RGS20: variants seen among roughly 807,000 people sequenced by gnomAD.
The protein encoded by RGS20 is regulator of G protein signaling 20, also known as gz-selective GTPase-activating protein.
Under a neutral mutation model 33.6 loss-of-function variants are expected in RGS20, and 30 were observed. The ratio of observed to expected loss-of-function variants is 0.89; its 90% CI spans 0.67 to 1.21. The LOEUF (loss-of-function observed/expected upper bound fraction) is 1.21, where lower values mean the gene tolerates loss of function less well. RGS20 is among the 50% of genes most tolerant of loss of function. RGS20 has a pLI of 0.00. For missense variants in RGS20, 472 were observed against 502.4 expected (o/e 0.94, Z 0.58); for synonymous variants, 208 against 197.9 (o/e 1.05, Z -0.43).
chr8:53,946,160 G>A (rs1397456048), intron 3 of RGS20, among the ~76,000 whole-genome samples: 1 of 152,122 alleles, frequency 6.6e-6, no homozygotes. Context: ...TACTTTTTAA[G>A]ATGCAGAAAA....
intron 1 of RGS20, chr8:53,879,153 C>A: frequency 1.1e-6 from 1 of 879,756 alleles, no homozygotes; most frequent in East Asian, 2.5e-5. Flanking sequence ...CCTTCTCTTG[C>A]ACCCCCAAAG....
Position 53,879,413 on chromosome 8 carries a change from G to C in RGS20, c.321G>C (p.Leu107=). Residue 107 remains leucine (L), a synonymous_variant, in exon 2 of 6, where the codon CTG becomes CTC. Transcript: ENST00000297313. Reference sequence around the variant, plus strand: ...GGAGGCGCCTGGACTTCTCCCCCCTGCTTCCCGCCCTGCCGGCCGCCCGGC... The same window carrying C: ...GGAGGCGCCTGGACTTCTCCCCCCTCCTTCCCGCCCTGCCGGCCGCCCGGC... 6.2e-7 allele frequency: 1 copy of C among 1,608,878 alleles called. No homozygotes were observed. Among genetic ancestry groups the C allele is most frequent in the Non-Finnish European group, 8.5e-7 (1 of 1,178,548 alleles).
intron 2 of RGS20, among the ~76,000 whole-genome samples, chr8:53,903,842 T>C (rs1178682005): frequency 6.6e-6 from 1 of 152,066 alleles, no homozygotes; most frequent in Non-Finnish European, 1.5e-5. Context: ...CTACCAGAAT[T>C]TTACCTTTTA....
Position 53,939,639 on chromosome 8 carries a change from G to A in RGS20, c.574G>A (p.Gly192Ser), listed in dbSNP as rs768363432. The A allele has an allele frequency of 1.9e-5, 31 of 1,602,034 alleles. No homozygotes were observed. The highest frequency in any genetic ancestry group is 5.2e-5 in the Admixed American group (3 of 57,844). Residue 192 changes from glycine to serine, a missense_variant, in exon 3 of 6, where the codon GGC becomes AGC. Coordinates refer to ENST00000297313, the MANE Select transcript of RGS20 (RefSeq NM_170587.4). ...GATGCCCGCCGCCCAGGACACACCA[G>A]GCGCCGCCCCAGGCCAGCCCGGAGC...
chr8:53,855,948 T>C (rs1286575815), intron 1 of RGS20, among the ~76,000 whole-genome samples: 2 of 152,182 alleles, frequency 1.3e-5, no homozygotes, highest in Non-Finnish European at 2.9e-5. Context: ...ATTGGTTGCA[T>C]ATGTGAAGTC....
chr8:53,853,787 A>G (rs1362956261), intron 1 of RGS20, among the ~76,000 whole-genome samples: 1 of 152,240 alleles, frequency 6.6e-6, no homozygotes, highest in Non-Finnish European at 1.5e-5. Flanking sequence ...ATAGCATATT[A>G]TCAGCATGAC....
chr8:53,879,417 C>T lies in RGS20; in HGVS notation c.325C>T (p.Pro109Ser). Residue 109 changes from proline to serine, a missense_variant, in exon 2 of 6, where the codon CCC (proline) becomes TCC (serine). Pro to Ser is a moderately conservative substitution (Grantham distance 74, BLOSUM62 -1). Coordinates refer to ENST00000297313, the MANE Select transcript of RGS20 (RefSeq NM_170587.4). ...GCGCCTGGACTTCTCCCCCCTGCTT[C>T]CCGCCCTGCCGGCCGCCCGGCTCTC... The T allele has an allele frequency of 1.2e-6, 2 of 1,608,542 alleles. No individual in the cohort carries two copies. The highest frequency in any genetic ancestry group is 2.2e-5 in the East Asian group (1 of 44,610).
At chr8:53,876,613 T>C (rs1260716585) in intron 1 of RGS20, 2 of 152,400 alleles carry the variant, frequency 1.3e-5, no homozygotes, top group Middle Eastern at 3.4e-3. Flanking sequence ...TTTGGCTACA[T>C]TGATACTCTT....
chr8:53,866,387 CTTT>C (rs58939238), intron 1 of RGS20, among the ~76,000 whole-genome samples: 1 of 144,852 alleles, frequency 6.9e-6, no homozygotes. Flanking sequence ...ACATTTACCT[CTTT>C]TTTTTTTTTT....
intron 5 of RGS20, among the ~76,000 whole-genome samples, chr8:53,957,863 A>G (rs998099241): frequency 6.6e-6 from 1 of 152,106 alleles, no homozygotes; most frequent in African/African-American, 2.4e-5. Context: ...AAAAAACAAC[A>G]AGGCCGGGCA....
intron 2 of RGS20, among the ~76,000 whole-genome samples, chr8:53,932,020 A>T (rs1813985124): frequency 6.6e-6 from 1 of 152,218 alleles, no homozygotes. Context: ...TATGAAGCAT[A>T]GTTTGGCTGG....
rs780650053 is a variant in RGS20, at chr8:53,880,980, C to T, written c.510+1378C>T. On this transcript the variant is annotated intron_variant, in intron 2 of 5. Transcript: ENST00000297313. ...TCGCCGACGTAGAGAGGGCAGCCCTCCGCGCTGCAATATTGAGAAGGCACC... is the reference window on the plus strand; with the variant it reads ...TCGCCGACGTAGAGAGGGCAGCCCTTCGCGCTGCAATATTGAGAAGGCACC... 8.8e-6 allele frequency: 14 copies of T among 1,589,420 alleles called. No homozygotes were observed. In the South Asian group the frequency reaches 1.2e-4, roughly 14 times the overall value.
At chr8:53,894,033 T>C (rs1812786597) in intron 2 of RGS20, among the ~76,000 whole-genome samples, 1 of 152,218 alleles carries the variant, frequency 6.6e-6, no homozygotes, top group Non-Finnish European at 1.5e-5. Flanking sequence ...AAACATTTGT[T>C]AAAATCTATC....
intron 4 of RGS20, 62 bp downstream of exon 3, chr8:53,946,810 T>C (rs949525314): frequency 3.6e-6 from 5 of 1,386,878 alleles, no homozygotes; most frequent in Non-Finnish European, 5.1e-6. Context: ...CTTTCTTTTC[T>C]TTGCCTTGTA....
chr8:53,925,119 G>A (rs1813757456), intron 2 of RGS20, among the ~76,000 whole-genome samples: 1 of 152,060 alleles, frequency 6.6e-6, no homozygotes, highest in African/African-American at 2.4e-5. Flanking sequence ...CTGCCATTGC[G>A]TTTCTGGTTG....
chr8:53,899,117 C>T (rs769415148), intron 2 of RGS20, among the ~76,000 whole-genome samples: 2 of 152,194 alleles, frequency 1.3e-5, no homozygotes, highest in African/African-American at 2.4e-5. Flanking sequence ...CAATGCTGTG[C>T]GATGCTCCTG....
At chr8:53,871,727 C>T (rs1256064832) in intron 1 of RGS20, among the ~76,000 whole-genome samples, 1 of 152,176 alleles carries the variant, frequency 6.6e-6, no homozygotes, top group African/African-American at 2.4e-5. Flanking sequence ...CAAAAACACA[C>T]ACATGATTGT....
intron 2 of RGS20, among the ~76,000 whole-genome samples, chr8:53,909,582 A>G (rs1276410791): frequency 9.2e-5 from 14 of 151,930 alleles, no homozygotes; most frequent in Admixed American, 9.2e-4. Flanking sequence ...AAAGGCTGTT[A>G]TTATAATAGT....
intron 4 of RGS20, among the ~76,000 whole-genome samples, chr8:53,952,922 T>C (rs1814751685): frequency 6.6e-6 from 1 of 152,130 alleles, no homozygotes; most frequent in African/African-American, 2.4e-5. Context: ...AGCAGTTCCC[T>C]AGAGGACAAA....
Sources: allele counts gnomAD v4.1 joint callset (sites outside exome capture counted in the v4.1 genomes callset), GRCh38; gene constraint gnomAD v4.1.1; transcripts MANE v1.5; gene names NCBI Gene and HGNC (gene_info 2026-07-23, HGNC 2026-07-21).